Variants in SCN7A observed in about 807,000 individuals in gnomAD.
SCN7A encodes sodium channel protein type 7 subunit alpha.
A neutral mutation model predicts 155.2 loss-of-function variants in SCN7A; 138 were observed. The observed-to-expected ratio is 0.89, with a 90% confidence interval of 0.77 to 1.02. The LOEUF (loss-of-function observed/expected upper bound fraction) is 1.02. Among genes scored for constraint, SCN7A ranks in the 50% least tolerant of loss-of-function variants. The probability of loss-of-function intolerance (pLI) is 0.00; values close to 1 mark genes in which losing one functional copy is unlikely to be tolerated. For missense variants in SCN7A, 2,058 were observed against 1,986.6 expected, an observed-to-expected ratio of 1.04 and a Z score of -0.68; for synonymous variants, 693 against 649.0, an observed-to-expected ratio of 1.07 and a Z score of -1.03.
chr2:166,469,274 C>T (rs745570005), intron 7 of SCN7A, among the ~76,000 whole-genome samples: 14 of 151,468 alleles, frequency 9.2e-5, no homozygotes, highest in Non-Finnish European at 2.1e-4. Flanking sequence ...ACTTATAATA[C>T]TATTTTACGG....
intron 12 of SCN7A, among the ~76,000 whole-genome samples, chr2:166,446,436 C>T (rs1170445698): frequency 2.0e-5 from 3 of 152,088 alleles, no homozygotes; most frequent in Non-Finnish European, 4.4e-5. Context: ...TGTAAATTAG[C>T]TCAACCATTG....
intron 12 of SCN7A, among the ~76,000 whole-genome samples, chr2:166,447,064 T>C (rs1195641330): frequency 6.6e-6 from 1 of 151,962 alleles, no homozygotes. Flanking sequence ...TGTGTGAAAA[T>C]AAAAAAGCTG....
At chr2:166,435,593 T>G (rs577428930) in intron 15 of SCN7A, among the ~76,000 whole-genome samples, 4 of 152,268 alleles carry the variant, frequency 2.6e-5, no homozygotes, top group Admixed American at 2.0e-4. Flanking sequence ...GTAAGTACTT[T>G]CTGATTTGTA....
intron 20 of SCN7A, among the ~76,000 whole-genome samples, chr2:166,418,121 A>AT (rs1701419076): frequency 6.7e-6 from 1 of 149,620 alleles, no homozygotes; most frequent in Admixed American, 6.7e-5. Context: ...TTATTTTTTT[A>AT]TTTATTTTAT....
chr2:166,458,302 C>T (rs1702328539), intron 10 of SCN7A, among the ~76,000 whole-genome samples: 2 of 149,614 alleles, frequency 1.3e-5, no homozygotes, highest in East Asian at 2.0e-4. Context: ...GAACTCCAGC[C>T]TGGGTGACAG....
At chr2:166,451,692 C>T (rs546802984) in intron 11 of SCN7A, among the ~76,000 whole-genome samples, 1 of 152,302 alleles carries the variant, frequency 6.6e-6, no homozygotes, top group African/African-American at 2.4e-5. Context: ...ACACATTCTT[C>T]ACATCTCAAC....
chr2:166,429,947 T>C (rs1701699421), intron 16 of SCN7A, among the ~76,000 whole-genome samples: 1 of 152,142 alleles, frequency 6.6e-6, no homozygotes, highest in Non-Finnish European at 1.5e-5. Context: ...ATAGTGCTAA[T>C]GATACTCTTT....
chr2:166,412,578 A>G lies in SCN7A; in HGVS notation c.3558T>C (p.Ser1186=). The part of the protein sequence containing the change: ...FIIFGVFLPL[S]MLITVIIDNF... ...TATCAATAATAACAGTAATCAGCAT[A>G]CTCAGAGGGAGAAATACTCCAAATA... The change falls in exon 23 of 26, where the codon AGT becomes AGC. Residue 1186 remains serine, a synonymous_variant. Coordinates refer to ENST00000643258, the MANE Select transcript of SCN7A (RefSeq NM_002976.4). 6.6e-7 allele frequency: 1 copy of G among 1,515,998 alleles called. No homozygotes were observed. Among genetic ancestry groups the G allele is most frequent in the Non-Finnish European group, 8.8e-7 (1 of 1,134,552 alleles). 93.9% of individuals were successfully genotyped at this position (1,515,998 alleles called of 1,614,324 possible). A position where few individuals can be genotyped will look rare whatever the true frequency, so the allele number is the denominator to read the frequency against.
intron 12 of SCN7A, among the ~76,000 whole-genome samples, chr2:166,447,139 G>A (rs139355252): frequency 1.1e-4 from 16 of 152,260 alleles, no homozygotes; most frequent in African/African-American, 3.9e-4. Context: ...AAGCGAACGT[G>A]TATTAGAAGA....
intron 1 of SCN7A, among the ~76,000 whole-genome samples, chr2:166,488,071 T>G (rs1197748728): frequency 6.6e-6 from 1 of 152,218 alleles, no homozygotes; most frequent in East Asian, 1.9e-4. Flanking sequence ...ACAGAGTTAA[T>G]GTGACCATTG....
intron 1 of SCN7A, among the ~76,000 whole-genome samples, chr2:166,489,537 C>T (rs535925435): frequency 2.0e-5 from 3 of 152,286 alleles, no homozygotes; most frequent in South Asian, 4.1e-4. Context: ...ATTTTGCAAC[C>T]ATCTGTGTGA....
At chr2:166,441,342 C>G in intron 15 of SCN7A, 54 bp downstream of exon 15, 1 of 1,292,970 alleles carries the variant, frequency 7.7e-7, no homozygotes. Flanking sequence ...CATGAAAATA[C>G]CAAACTACCT....
intron 1 of SCN7A, among the ~76,000 whole-genome samples, chr2:166,487,538 C>G (rs557274323): frequency 6.6e-6 from 1 of 152,300 alleles, no homozygotes; most frequent in East Asian, 1.9e-4. Context: ...CAGTCACAGC[C>G]TCTTCATTTC....
chr2:166,453,084 T>C (rs556744356), intron 11 of SCN7A, among the ~76,000 whole-genome samples: 1 of 152,300 alleles, frequency 6.6e-6, no homozygotes, highest in Admixed American at 6.5e-5. Context: ...ATGAATTACA[T>C]TTTATAGTAT....
At chr2:166,414,079 A>ATATATATAT (rs1240967174) in intron 21 of SCN7A, among the ~76,000 whole-genome samples, 1 of 44,996 alleles carries the variant, frequency 2.2e-5, no homozygotes, top group Non-Finnish European at 5.1e-5. Context: ...ATATATGTAA[A>ATATATATAT]TATATGTAAA....
intron 3 of SCN7A, among the ~76,000 whole-genome samples, chr2:166,475,830 C>T (rs1702784861): frequency 6.6e-6 from 1 of 151,888 alleles, no homozygotes; most frequent in Admixed American, 6.6e-5. Context: ...TTTGTAACAG[C>T]ACTTTTCTAC....
intron 12 of SCN7A, among the ~76,000 whole-genome samples, chr2:166,446,251 C>T (rs1231401662): frequency 6.6e-6 from 1 of 151,996 alleles, no homozygotes; most frequent in African/African-American, 2.4e-5. Context: ...TTTGTGTGGC[C>T]AACAAACATT....
chr2:166,424,621 A>T (rs960959795), intron 18 of SCN7A, among the ~76,000 whole-genome samples: 3 of 152,130 alleles, frequency 2.0e-5, no homozygotes, highest in Admixed American at 6.6e-5. Context: ...ATACATCTGT[A>T]TGTCCAAAAT....
chr2:166,419,308 T>G (rs1701459984), intron 20 of SCN7A, among the ~76,000 whole-genome samples: 1 of 151,858 alleles, frequency 6.6e-6, no homozygotes, highest in Admixed American at 6.6e-5. Context: ...TGTCAGAATA[T>G]TCTATAATGT....
Sources: gnomAD v4.1 joint callset for allele counts (sites outside exome capture counted in the v4.1 genomes callset) on GRCh38, gnomAD v4.1.1 for gene constraint, MANE v1.5 for transcripts, NCBI Gene and HGNC (gene_info 2026-07-23, HGNC 2026-07-21) for gene names.